SBF1: variants seen among roughly 807,000 people sequenced by gnomAD.
The protein encoded by SBF1 is SET binding factor 1.
A neutral mutation model predicts 215.8 loss-of-function variants in SBF1; 65 were observed. That is an observed-to-expected ratio of 0.30 (90% confidence interval 0.25 to 0.37). The LOEUF is 0.37. Ranked by LOEUF, SBF1 falls within the 10% of genes least tolerant of loss-of-function variation. SBF1 has a pLI of 1.00. For missense variants in SBF1, 2,634 were observed against 2,667.8 expected (o/e 0.99, Z 0.28); for synonymous variants, 1,410 against 1,122.8 (o/e 1.26, Z -5.11).
rs775180420 is a variant in SBF1, at chr22:50,465,061, G to A, written c.1272C>T (p.Ala424=). The change falls in exon 12 of 41, where the codon GCC becomes GCT. Residue 424 remains alanine, a synonymous_variant. Coordinates refer to ENST00000380817, the MANE Select transcript of SBF1 (RefSeq NM_002972.4). ...CACGCTCTGACACAAAGCCAGCAAAGGCCATGCCCTCCAGCACCTTCATCA... is the reference window on the plus strand; with the variant it reads ...CACGCTCTGACACAAAGCCAGCAAAAGCCATGCCCTCCAGCACCTTCATCA... ...DFLMKVLEGM[A]FAGFVSERGV... 1.9e-6 allele frequency: 3 copies of A among 1,613,978 alleles called. No individual in the cohort carries two copies. Among genetic ancestry groups the A allele is most frequent in the African/African-American group, 1.3e-5 (1 of 74,896 alleles).
intron 28 of SBF1, among the ~76,000 whole-genome samples, chr22:50,458,116 G>A (rs573870295): frequency 3.3e-5 from 5 of 152,088 alleles, no homozygotes; most frequent in African/African-American, 9.7e-5. Flanking sequence ...TGGCTAACAC[G>A]GTAAAACCCT....
rs1211685505 is a variant in SBF1, at chr22:50,460,552, T to A, written c.3128A>T (p.Asp1043Val). The A allele has an allele frequency of 6.2e-7, 1 of 1,614,064 alleles. No individual in the cohort carries two copies. Among genetic ancestry groups the A allele is most frequent in the Non-Finnish European group, 8.5e-7 (1 of 1,179,998 alleles). Residue 1043 changes from aspartate (D) to valine (V), a missense_variant, in exon 24 of 41, where the codon GAC becomes GTC. Coordinates refer to ENST00000380817, the MANE Select transcript of SBF1 (RefSeq NM_002972.4). ...TPGRPPRVTK[D>V]KGPSLRTLSR... ...TCCATACCTGAGGGAAGGACCCTTGTCCTTGGTGACTCGCGGTGGCCGGCC... is the reference window on the plus strand; with the variant it reads ...TCCATACCTGAGGGAAGGACCCTTGACCTTGGTGACTCGCGGTGGCCGGCC...
At chr22:50,455,910 G>C (rs557412741) in intron 31 of SBF1, 1 of 556,788 alleles carries the variant, frequency 1.8e-6, no homozygotes, top group Admixed American at 3.3e-5. Context: ...ACCCCCGAGA[G>C]AATGCAGCAG....
intron 38 of SBF1, among the ~76,000 whole-genome samples, 175 bp from the exon 39 acceptor site, chr22:50,447,784 G>A (rs1188596510): frequency 2.0e-5 from 3 of 152,230 alleles, no homozygotes; most frequent in African/African-American, 4.8e-5. Context: ...AGCCTTTGAT[G>A]GGGGGCTGCA....
chr22:50,456,055 G>A (rs920530435), intron 31 of SBF1, 161 bp downstream of exon 31: 21 of 761,938 alleles, frequency 2.8e-5, no homozygotes, highest in Non-Finnish European at 3.9e-5. Context: ...CAGCCTCCCA[G>A]CTGCCTTCTA....
rs758689158 is a variant in SBF1 at position 50,461,620 on chromosome 22, C to T, written c.2742G>A (p.Gly914=). 1.9e-6 allele frequency: 3 copies of T among 1,611,514 alleles called. No homozygotes were observed. The highest frequency in any genetic ancestry group is 2.7e-5 in the African/African-American group (2 of 74,918). Residue 914 remains glycine (G), a synonymous_variant, in exon 22 of 41, where the codon GGG becomes GGA. Coordinates refer to ENST00000380817, the MANE Select transcript of SBF1 (RefSeq NM_002972.4). ...GCAATGCTGGTCCCCCAGCACTGCC[C>T]CCCGCGCCCTCCTCACGCCCATCCG... is the stretch of plus-strand genomic sequence containing the variant. The part of the protein sequence containing the change: ...LLPDGREEGA[G]GSAGGPALLP...
chr22:50,465,742 A>C (rs1453751119), intron 10 of SBF1, 21 bp downstream of exon 10: 2 of 1,580,988 alleles, frequency 1.3e-6, no homozygotes, highest in South Asian at 1.1e-5. Context: ...GTCCCCATGC[A>C]GGAGCAGCAA....
intron 36 of SBF1, among the ~76,000 whole-genome samples, chr22:50,452,915 C>T (rs2067104348): frequency 6.6e-6 from 1 of 151,578 alleles, no homozygotes; most frequent in South Asian, 2.1e-4. Flanking sequence ...TGAAACACAA[C>T]ACAGAGATGT....
chr22:50,450,435 T>C (rs923125196), intron 36 of SBF1, among the ~76,000 whole-genome samples: 5 of 150,360 alleles, frequency 3.3e-5, no homozygotes, highest in East Asian at 2.0e-4. Context: ...GCAGGAGAAT[T>C]GCTTGAACAT....
intron 31 of SBF1, 98 bp from the exon 32 acceptor site, chr22:50,455,680 G>C (rs1312407559): frequency 1.0e-6 from 1 of 985,718 alleles, no homozygotes; most frequent in African/African-American, 1.6e-5. Flanking sequence ...GCAGCGGGGA[G>C]GCAGGCCCTG....
chr22:50,450,024 T>A (rs6010047), intron 36 of SBF1, among the ~76,000 whole-genome samples: 8,402 of 152,276 alleles, frequency 0.055, 660 homozygotes, highest in African/African-American at 0.18. Flanking sequence ...ACACGGGAGC[T>A]TGCTGAGCCG....
Position 50,448,252 on chromosome 22 carries a change from T to C in SBF1, c.5344A>G (p.Thr1782Ala), listed in dbSNP as rs778782196. The C allele has an allele frequency of 2.5e-6, 4 of 1,612,582 alleles. No homozygotes were observed. Among genetic ancestry groups the C allele is most frequent in the Non-Finnish European group, 3.4e-6 (4 of 1,179,920 alleles). ...TCATACCTGTTCTCACTCTCTGCTG[T>C]CTGGAACTGGCTGTACAGGGTGCTG... ...STSTLYSQFQTAESENRSYEG... is the reference protein window; with the variant it reads ...STSTLYSQFQAAESENRSYEG... The change falls in exon 38 of 41, where the codon ACA becomes GCA. Residue 1782 changes from threonine to alanine, a missense_variant. Physicochemically the swap from Thr to Ala is moderately conservative, Grantham distance 58. Coordinates refer to ENST00000380817, the MANE Select transcript of SBF1 (RefSeq NM_002972.4).
rs536847313 is a variant in SBF1, at chr22:50,457,017, C to A, written c.3904+17G>T. ...CCAAGTAAGGGGAGGCGGGCCTGCG[C>A]AGGCTCGGTACGGTACCTCGGGGTG... is the stretch of plus-strand genomic sequence containing the variant. On this transcript the variant is annotated intron_variant, in intron 29 of 40. Transcript: ENST00000380817. The A allele has an allele frequency of 3.7e-5, 52 of 1,416,942 alleles. No homozygotes were observed. In the South Asian group the frequency reaches 6.6e-4, roughly 18 times the overall value. 87.8% of individuals were successfully genotyped at this position (1,416,942 alleles called of 1,614,324 possible).
rs1361181673 is a variant in SBF1, at chr22:50,466,201, C to T, written c.846G>A (p.Thr282=). The T allele has an allele frequency of 6.2e-6, 10 of 1,613,244 alleles. No homozygotes were observed. In the East Asian group the frequency reaches 6.7e-5, roughly 11 times the overall value. The change falls in exon 8 of 41, where the codon ACG becomes ACA. Residue 282 remains threonine, a synonymous_variant. Transcript: ENST00000380817. The part of the protein sequence containing the change: ...AQLLEVLSTP[T]PFIIGVNAAF... Reference sequence around the variant, plus strand: ...CCGCGTTGACCCCAATGATGAAGGGCGTGGGTGTGCTGAGGACCTCCAGCA... The same window carrying T: ...CCGCGTTGACCCCAATGATGAAGGGTGTGGGTGTGCTGAGGACCTCCAGCA...
rs1182776222 is a variant in SBF1 at position 50,460,169 on chromosome 22, C to G, written c.3284-10G>C. On this transcript the variant is annotated splice_polypyrimidine_tract_variant and intron_variant, in intron 25 of 40. Coordinates refer to ENST00000380817, the MANE Select transcript of SBF1 (RefSeq NM_002972.4). ...TCCAGCTCCTCCGACACTGCACAGG[C>G]CGGGCACACGTGGTCATCACGGGGC... 3 of 1,610,134 alleles carry G rather than the reference C, an allele frequency of 1.9e-6. No homozygotes were observed. Among genetic ancestry groups the G allele is most frequent in the South Asian group, 2.2e-5 (2 of 91,058 alleles).
rs1603429913 is a variant in SBF1 at position 50,445,415 on chromosome 22, A to C, written c.*1727T>G. The C allele has an allele frequency of 6.6e-6, 1 of 151,090 alleles. No homozygotes were observed. Among genetic ancestry groups the C allele is most frequent in the African/African-American group, 2.4e-5 (1 of 40,960 alleles). The allele number at this position is 151,090 out of a possible 1,614,324, so 9.4% of individuals were successfully genotyped here. A position where few individuals can be genotyped will look rare whatever the true frequency, so the allele number is the denominator to read the frequency against. The stretch of plus-strand genomic sequence containing the variant: ...AGTGGGAGGGGCAGGTGGAGACCAG[A>C]CCCCCACCCCGCCCCAGCGAGCTTG... On this transcript the variant is annotated 3_prime_UTR_variant, in exon 41 of 41. Transcript: ENST00000380817.
Position 50,466,011 on chromosome 22 carries a change from G to C in SBF1, c.961C>G (p.Pro321Ala), listed in dbSNP as rs1036747654. 3 of 1,614,002 alleles carry C rather than the reference G, an allele frequency of 1.9e-6. No individual in the cohort carries two copies. Among genetic ancestry groups the C allele is most frequent in the African/African-American group, 2.7e-5 (2 of 75,052 alleles). ...CTCTGCAGTGGCTCTGGCAAGGGTG[G>C]AATGTGCACACACTCAGGAATGGTG... ...TVTIPECVHI[P>A]PLPEPLQSQT... is the part of the protein sequence containing the mutation. The change falls in exon 9 of 41, where the codon CCA becomes GCA. Residue 321 changes from proline (P) to alanine (A), a missense_variant. By Grantham distance (27) the Pro-to-Ala change is conservative (BLOSUM62 -1). Transcript: ENST00000380817.
At chr22:50,451,836 G>A (rs964052410) in intron 36 of SBF1, among the ~76,000 whole-genome samples, 102 of 142,464 alleles carry the variant, frequency 7.2e-4, no homozygotes, top group African/African-American at 2.5e-3. Context: ...CACTCATGTC[G>A]CCCAGGCTGC....
rs766669723 is a variant in SBF1, at chr22:50,461,661, G to A, written c.2701C>T (p.Arg901Cys). Reference protein sequence around the residue: ...PGEECVLDGLRVYLLPDGREE... With the variant: ...PGEECVLDGLCVYLLPDGREE... ...CGCCCATCCGGCAGCAGGTAGACGC[G>A]CAGGCCGTCCAGCACACACTCCTCA... The change falls in exon 22 of 41, where the codon CGC becomes TGC. Residue 901 changes from arginine (R) to cysteine (C), a missense_variant. Transcript: ENST00000380817. The A allele has an allele frequency of 1.2e-6, 2 of 1,610,456 alleles. No homozygotes were observed. The highest frequency in any genetic ancestry group is 1.7e-6 in the Non-Finnish European group (2 of 1,179,726).
Sources: allele counts gnomAD v4.1 joint callset (sites outside exome capture counted in the v4.1 genomes callset), GRCh38; gene constraint gnomAD v4.1.1; transcripts MANE v1.5; gene names NCBI Gene and HGNC (gene_info 2026-07-23, HGNC 2026-07-21).